CTNNA3: variants seen among roughly 807,000 people sequenced by gnomAD.
The protein encoded by CTNNA3 is catenin alpha 3, also known as catenin alpha-3.
In CTNNA3, 76 loss-of-function variants were observed where a neutral mutation model predicts 95.7. That is an observed-to-expected ratio of 0.79 (90% CI 0.66 to 0.96). The LOEUF is 0.96. Among genes scored for constraint, CTNNA3 ranks in the 40% least tolerant of loss-of-function variants. CTNNA3 has a pLI of 0.00. For missense variants in CTNNA3, 1,191 were observed against 1,089.8 expected, an observed-to-expected ratio of 1.09 and a Z score of -1.31; for synonymous variants, 431 against 374.4, an observed-to-expected ratio of 1.15 and a Z score of -1.74.
chr10:66,393,920 A>G (rs1299576579), intron 11 of CTNNA3, among the ~76,000 whole-genome samples: 2 of 152,056 alleles, frequency 1.3e-5, no homozygotes, highest in Non-Finnish European at 2.9e-5. Context: ...TCTATAAAAA[A>G]TGCTAAAGTC....
intron 13 of CTNNA3, among the ~76,000 whole-genome samples, chr10:66,105,631 A>G (rs1267107319): frequency 6.6e-6 from 1 of 152,234 alleles, no homozygotes; most frequent in Non-Finnish European, 1.5e-5. Flanking sequence ...TGCTGTACGA[A>G]GAGATAAGCC....
intron 12 of CTNNA3, among the ~76,000 whole-genome samples, chr10:66,332,730 T>A (rs1373375701): frequency 6.6e-6 from 1 of 152,108 alleles, no homozygotes; most frequent in Non-Finnish European, 1.5e-5. Context: ...ATCAGGATGA[T>A]GCTGGCCTCA....
chr10:67,080,742 T>C (rs1857006115), intron 7 of CTNNA3, among the ~76,000 whole-genome samples: 1 of 151,814 alleles, frequency 6.6e-6, no homozygotes, highest in South Asian at 2.1e-4. Context: ...ACCCCATCTC[T>C]ACTAAAAATA....
chr10:66,299,377 G>A (rs1457404578), intron 12 of CTNNA3, among the ~76,000 whole-genome samples: 2 of 152,182 alleles, frequency 1.3e-5, no homozygotes, highest in East Asian at 3.9e-4. Context: ...TTGTACCATG[G>A]GGGTAGAAGA....
intron 10 of CTNNA3, among the ~76,000 whole-genome samples, chr10:66,620,611 C>T (rs1243360188): frequency 6.6e-6 from 1 of 152,114 alleles, no homozygotes; most frequent in Non-Finnish European, 1.5e-5. Flanking sequence ...CATTCAACTA[C>T]TTTAGAGACC....
intron 17 of CTNNA3, among the ~76,000 whole-genome samples, chr10:65,948,502 G>T (rs1313826610): frequency 6.8e-6 from 1 of 146,784 alleles, no homozygotes; most frequent in Non-Finnish European, 1.5e-5. Flanking sequence ...ATCAAATATT[G>T]CAAAGAGACA....
chr10:66,297,765 T>G (rs998470356), intron 12 of CTNNA3, among the ~76,000 whole-genome samples: 1 of 152,182 alleles, frequency 6.6e-6, no homozygotes, highest in Non-Finnish European at 1.5e-5. Flanking sequence ...AACCACTTAG[T>G]GAAACAAGAA....
Position 66,416,822 on chromosome 10 carries a change from A to G in CTNNA3, c.1532-37470T>C, listed in dbSNP as rs558363765. Reference sequence around the variant, plus strand: ...ATAAATACTCAAAGAACTCCTAAACATGGAAGCAAAAGGACATTTATCTAC... The same window carrying G: ...ATAAATACTCAAAGAACTCCTAAACGTGGAAGCAAAAGGACATTTATCTAC... On this transcript the variant is annotated intron_variant, in intron 11 of 17. Coordinates refer to ENST00000433211, the MANE Select transcript of CTNNA3 (RefSeq NM_013266.4). Among the ~76,000 whole-genome samples, 39 of 152,194 alleles carry G rather than the reference A, an allele frequency of 2.6e-4. No homozygotes were observed. In the South Asian group the frequency reaches 7.7e-3, roughly 30 times the overall value.
intron 9 of CTNNA3, among the ~76,000 whole-genome samples, chr10:66,695,168 C>A (rs187195393): frequency 2.0e-5 from 3 of 152,260 alleles, no homozygotes; most frequent in African/African-American, 7.2e-5. Flanking sequence ...CAAAGATGCA[C>A]ATTAAATAGA....
chr10:66,452,317 A>G (rs867837301), intron 11 of CTNNA3, among the ~76,000 whole-genome samples: 2 of 152,150 alleles, frequency 1.3e-5, no homozygotes, highest in Non-Finnish European at 2.9e-5. Flanking sequence ...ATGATAATAA[A>G]TCTGTGACCC....
intron 7 of CTNNA3, among the ~76,000 whole-genome samples, chr10:67,130,800 T>A (rs1859961452): frequency 6.6e-6 from 1 of 152,066 alleles, no homozygotes; most frequent in Non-Finnish European, 1.5e-5. Context: ...GAGGACCTGG[T>A]AGACGATATC....
intron 1 of CTNNA3, among the ~76,000 whole-genome samples, chr10:67,673,250 GA>G (rs1283894668): frequency 1.3e-5 from 2 of 148,986 alleles, no homozygotes; most frequent in African/African-American, 2.5e-5. Context: ...TCAGCTTAAG[GA>G]GATTTTGGGC....
At chr10:66,478,964 T>C (rs1178166106) in intron 11 of CTNNA3, among the ~76,000 whole-genome samples, 1 of 151,876 alleles carries the variant, frequency 6.6e-6, no homozygotes, top group Non-Finnish European at 1.5e-5. Context: ...TTATGTCTGG[T>C]TAAGAAATTT....
chr10:67,582,103 G>A (rs11525236), intron 3 of CTNNA3, among the ~76,000 whole-genome samples: 9 of 143,444 alleles, frequency 6.3e-5, no homozygotes, highest in African/African-American at 1.3e-4. Context: ...TTCTGCTAGC[G>A]TTTGAATGTG....
chr10:66,825,047 A>G (rs1842449457), intron 7 of CTNNA3, among the ~76,000 whole-genome samples: 1 of 151,752 alleles, frequency 6.6e-6, no homozygotes, highest in Non-Finnish European at 1.5e-5. Flanking sequence ...ATTTTCAAAA[A>G]AAAAAAATTA....
At chr10:66,215,390 C>T (rs1389244068) in intron 13 of CTNNA3, among the ~76,000 whole-genome samples, 1 of 152,114 alleles carries the variant, frequency 6.6e-6, no homozygotes, top group Non-Finnish European at 1.5e-5. Context: ...TTATAATTCC[C>T]AATTTACATA....
chr10:66,996,302 A>T (rs1307051831), intron 7 of CTNNA3, among the ~76,000 whole-genome samples: 1 of 152,228 alleles, frequency 6.6e-6, no homozygotes, highest in Non-Finnish European at 1.5e-5. Context: ...GCAACAAAGT[A>T]AAAAGAGCAA....
chr10:65,921,754 C>T (rs2077090005), intron 17 of CTNNA3, among the ~76,000 whole-genome samples: 1 of 152,188 alleles, frequency 6.6e-6, no homozygotes, highest in Admixed American at 6.5e-5. Flanking sequence ...GATATATGGT[C>T]TGTCCAGTAA....
chr10:66,449,004 A>G lies in CTNNA3; in HGVS notation c.1532-69652T>C, dbSNP rs2093444267. On this transcript the variant is annotated intron_variant, in intron 11 of 17. Transcript: ENST00000433211. The stretch of plus-strand genomic sequence containing the variant: ...TTCTTTTTGAAAGATTTACTAGTTC[A>G]CATTTTTAAAAAGTTAGAATTAGAA... 2.6e-5 allele frequency among the ~76,000 whole-genome samples: 4 copies of G among 152,066 alleles called. No individual in the cohort carries two copies. In the South Asian group the frequency reaches 8.3e-4, roughly 31 times the overall value.
Sources: allele counts gnomAD v4.1 joint callset (sites outside exome capture counted in the v4.1 genomes callset), GRCh38; gene constraint gnomAD v4.1.1; transcripts MANE v1.5; gene names NCBI Gene and HGNC (gene_info 2026-07-23, HGNC 2026-07-21).